BRME1: variants seen among roughly 807,000 people sequenced by gnomAD.
The protein encoded by BRME1 is BRCA2 and MEILB2-associating protein 1.
Under a neutral mutation model 52.6 loss-of-function variants are expected in BRME1, and 31 were observed. That is an observed-to-expected ratio of 0.59 (90% CI 0.44 to 0.80). The LOEUF is 0.80. Among genes scored for constraint, BRME1 ranks in the 30% least tolerant of loss-of-function variants. The probability of loss-of-function intolerance (pLI) is 0.00; values close to 1 mark genes in which losing one functional copy is unlikely to be tolerated. For missense variants in BRME1, 804 were observed against 860.3 expected (o/e 0.93, Z 0.82); for synonymous variants, 359 against 353.6 (o/e 1.02, Z -0.17).
rs928244997 is a variant in BRME1 at position 13,895,642 on chromosome 19, C to T, written c.32-96G>A. 4.1e-5 allele frequency: 44 copies of T among 1,080,342 alleles called. No individual in the cohort carries two copies. In the Admixed American group the frequency reaches 8.0e-4, roughly 20 times the overall value. 66.9% of individuals were successfully genotyped at this position (1,080,342 alleles called of 1,614,324 possible). On this transcript the variant is annotated intron_variant, in intron 2 of 8. Coordinates refer to ENST00000586783, the MANE Select transcript of BRME1 (RefSeq NM_001345843.2). ...TCCCCCACTACAACCAGGCTGCACGCGAGAAGGGGCCGAATCCATTTCACT... is the reference window on the plus strand; with the variant it reads ...TCCCCCACTACAACCAGGCTGCACGTGAGAAGGGGCCGAATCCATTTCACT...
Position 13,882,864 on chromosome 19 carries a change from G to A in BRME1, c.1945C>T (p.Pro649Ser). The change falls in exon 9 of 9, where the codon CCT (proline) becomes TCT (serine). Residue 649 changes from proline to serine, a missense_variant. Around this residue, in one of 3 missense-constraint regions of BRME1, gnomAD observed 552 missense variants for 561.1 expected, o/e 0.98. Coordinates refer to ENST00000586783, the MANE Select transcript of BRME1 (RefSeq NM_001345843.2). ...TTCCCAGGCCCCTTGGAAGGGTAAG[G>A]CAGGGGGGCTTTGCCTCCCAGCTTT... ...KTKLGGKAPLPYPSKGPGNIP... is the reference protein window; with the variant it reads ...KTKLGGKAPLSYPSKGPGNIP... 1 of 1,614,048 alleles carries A rather than the reference G, an allele frequency of 6.2e-7. No individual in the cohort carries two copies. The highest frequency in any genetic ancestry group is 8.5e-7 in the Non-Finnish European group (1 of 1,179,974).
chr19:13,895,662 T>C (rs1431198185), intron 2 of BRME1, 116 bp from the exon 3 acceptor site: 1 of 880,702 alleles, frequency 1.1e-6, no homozygotes, highest in African/African-American at 1.7e-5. Context: ...CCGAATCCAT[T>C]TCACTCTCTG....
At chr19:13,903,572 C>T (rs1970439361) in intron 2 of BRME1, among the ~76,000 whole-genome samples, 1 of 145,470 alleles carries the variant, frequency 6.9e-6, no homozygotes, top group South Asian at 2.1e-4. Context: ...ACTTAGGAGG[C>T]TGAGGCTGCA....
Position 13,890,060 on chromosome 19 carries a change from G to A in BRME1, c.796C>T (p.Pro266Ser). The change falls in exon 6 of 9, where the codon CCT becomes TCT. Residue 266 changes from proline to serine, a missense_variant. Physicochemically the swap from Pro to Ser is moderately conservative, Grantham distance 74. This residue lies in a region of BRME1 where 552 missense variants were observed against 561.1 expected (regional missense o/e 0.98). Coordinates refer to ENST00000586783, the MANE Select transcript of BRME1 (RefSeq NM_001345843.2). ...TCTCCCTCCTCCTGGGGCCCTCCAG[G>A]CAGGCCAGCCCCTGCTGTCCTTTGG... The part of the protein sequence containing the change: ...GAQRTAGAGL[P>S]GGPQEEGDGV... The A allele has an allele frequency of 6.2e-7, 1 of 1,613,528 alleles. No homozygotes were observed. The highest frequency in any genetic ancestry group is 1.3e-5 in the African/African-American group (1 of 75,038).
chr19:13,886,501 TC>T (rs1222502636), intron 6 of BRME1, among the ~76,000 whole-genome samples: 22 of 152,184 alleles, frequency 1.4e-4, no homozygotes, highest in Admixed American at 2.6e-4. Context: ...GCCACAGACA[TC>T]CTGTTAGGAA....
intron 5 of BRME1, among the ~76,000 whole-genome samples, chr19:13,890,837 C>T (rs1969438616): frequency 6.6e-6 from 1 of 152,082 alleles, no homozygotes; most frequent in Non-Finnish European, 1.5e-5. Context: ...GCACTCCAGC[C>T]TGGACGACAG....
intron 2 of BRME1, among the ~76,000 whole-genome samples, chr19:13,903,299 T>C (rs1392414994): frequency 6.6e-6 from 1 of 152,054 alleles, no homozygotes; most frequent in Non-Finnish European, 1.5e-5. Flanking sequence ...GGGCATCCTA[T>C]GCATGGTAGG....
intron 7 of BRME1, among the ~76,000 whole-genome samples, chr19:13,884,443 C>T (rs1428510689): frequency 1.3e-5 from 2 of 151,748 alleles, no homozygotes; most frequent in South Asian, 2.1e-4. Flanking sequence ...CTGGGCAACA[C>T]GGCAAAATCC....
Position 13,882,942 on chromosome 19 carries a change from T to C in BRME1, c.1867A>G (p.Met623Val), listed in dbSNP as rs772296348. The stretch of plus-strand genomic sequence containing the variant: ...GCTTCCAGGTCCCGGTGGGTGCCCA[T>C]GATCAGCCGGCTGTGGGGGAAACAC... ...VELSNLNRLI[M>V]GTHRDLEAFK... is the part of the protein sequence containing the mutation. The change falls in exon 9 of 9, where the codon ATG becomes GTG. Residue 623 changes from methionine to valine, a missense_variant. Met to Val is a conservative substitution (Grantham distance 21). Around this residue, in one of 3 missense-constraint regions of BRME1, gnomAD observed 552 missense variants for 561.1 expected, o/e 0.98. Coordinates refer to ENST00000586783, the MANE Select transcript of BRME1 (RefSeq NM_001345843.2). 6 of 1,612,418 alleles carry C rather than the reference T, an allele frequency of 3.7e-6. No homozygotes were observed. The Admixed American group carries it at 1.0e-4, about 27-fold the overall frequency.
At chr19:13,893,267 G>A (rs374200086) in intron 3 of BRME1, 44 bp from the exon 4 acceptor site, 99 of 1,515,062 alleles carry the variant, frequency 6.5e-5, no homozygotes, top group African/African-American at 3.9e-4. Context: ...GCCCGGGTGC[G>A]GTGGCTCACA....
In BRME1 at chr19:13,883,239, T is replaced by C; in HGVS notation, c.1856+69A>G. 1.4e-6 allele frequency: 2 copies of C among 1,388,078 alleles called. No individual in the cohort carries two copies. The highest frequency in any genetic ancestry group is 2.0e-6 in the Non-Finnish European group (2 of 1,016,984). The allele number at this position is 1,388,078 out of a possible 1,614,324, so 86.0% of individuals were successfully genotyped here. ...CCTAGGGGCTTCACACTTCAGTCCC[T>C]CCCTGCTCCTCTGAGTCCCCACTGG... On this transcript the variant is annotated intron_variant, in intron 8 of 8. Transcript: ENST00000586783. This position sits in a 1 kb window ranked among gnomAD's most constrained non-coding sequence, Gnocchi z 4.2.
chr19:13,889,218 G>T lies in BRME1; in HGVS notation c.1638C>A (p.Asp546Glu). Residue 546 changes from aspartate (D) to glutamate (E), a missense_variant, in exon 6 of 9, where the codon GAC (aspartate) becomes GAA (glutamate). Physicochemically the swap from Asp to Glu is conservative, Grantham distance 45. Coordinates refer to ENST00000586783, the MANE Select transcript of BRME1 (RefSeq NM_001345843.2). ...CAGGTGGGGCTTCGAAGTCAGAGGC[G>T]TCCAGGGCATCCTGTATCTGGCTGT... ...LLDSQIQDAL[D>E]ASDFEAPPEQ... The T allele has an allele frequency of 1.2e-6, 2 of 1,605,898 alleles. No individual in the cohort carries two copies. The highest frequency in any genetic ancestry group is 1.7e-6 in the Non-Finnish European group (2 of 1,175,438).
chr19:13,884,349 G>A (rs1421704572), intron 7 of BRME1, among the ~76,000 whole-genome samples: 3 of 151,692 alleles, frequency 2.0e-5, no homozygotes, highest in Non-Finnish European at 2.9e-5. Context: ...TATCCCGCCA[G>A]GCACGATGGC....
intron 6 of BRME1, 25 bp downstream of exon 6, chr19:13,889,163 G>T: frequency 6.5e-7 from 1 of 1,530,120 alleles, no homozygotes; most frequent in African/African-American, 1.4e-5. Context: ...GGGCAGGTAT[G>T]TCTGTCACTC....
chr19:13,903,325 C>T (rs1028752330), intron 2 of BRME1, among the ~76,000 whole-genome samples: 10 of 151,932 alleles, frequency 6.6e-5, no homozygotes, highest in African/African-American at 2.4e-4. Flanking sequence ...TGAGCAGCAT[C>T]CCTGGCCTCC....
intron 1 of BRME1, 77 bp downstream of exon 1, chr19:13,905,638 G>T (rs1175221228): frequency 6.6e-6 from 1 of 152,370 alleles, no homozygotes; most frequent in Non-Finnish European, 1.5e-5. Context: ...AAAGGGGACA[G>T]CTGGGTCCTT....
chr19:13,885,623 G>A (rs1235640781), intron 7 of BRME1, among the ~76,000 whole-genome samples: 1 of 152,198 alleles, frequency 6.6e-6, no homozygotes, highest in African/African-American at 2.4e-5. Context: ...CCCTGTCTGG[G>A]TCCCCTCCCC....
rs1968815378 is a variant in BRME1 at position 13,883,922 on chromosome 19, CCTTT to C, written c.1764-526_1764-523del. Among the ~76,000 whole-genome samples the C allele has an allele frequency of 6.6e-6, 1 of 152,166 alleles. No homozygotes were observed. Among genetic ancestry groups the C allele is most frequent in the Admixed American group, 6.6e-5 (1 of 15,260 alleles). On this transcript the variant is annotated intron_variant, in intron 7 of 8. Coordinates refer to ENST00000586783, the MANE Select transcript of BRME1 (RefSeq NM_001345843.2). The surrounding 1 kb of genome is among the most constrained non-coding windows in gnomAD (Gnocchi z 4.2). ...TTACATTTTAACCCCTTCTCCGCTG[CCTTT>C]TTTTCCCCAACACTCTGCCATCTGA...
In BRME1 at chr19:13,885,840, G is replaced by A; in HGVS notation, c.1763+121C>T. 6.3e-6 allele frequency: 5 copies of A among 799,418 alleles called. No homozygotes were observed. In the South Asian group the frequency reaches 8.1e-5, roughly 13 times the overall value. The allele number at this position is 799,418 out of a possible 1,614,324, so 49.5% of individuals were successfully genotyped here. On this transcript the variant is annotated intron_variant, in intron 7 of 8. Transcript: ENST00000586783. ...TTGAAAGACAGGGCTCAGCTCCCCT[G>A]CTGGACTGAGGAAGTCGAGGCCCAG... is the stretch of plus-strand genomic sequence containing the variant.
Sources: allele counts gnomAD v4.1 joint callset (sites outside exome capture counted in the v4.1 genomes callset), GRCh38; gene constraint gnomAD v4.1.1; regional missense constraint gnomAD v4.1.1; non-coding constraint Gnocchi (gnomAD v3.1); transcripts MANE v1.5; gene names NCBI Gene and HGNC (gene_info 2026-07-23, HGNC 2026-07-21).